The following GALNT13 variants were observed in gnomAD, a reference collection of about 807,000 sequenced individuals.
GALNT13 encodes the protein UDP-GalNAc:polypeptide N-acetylgalactosaminyltransferase 13.
GALNT13 carries 28 observed loss-of-function variants against 64.2 expected under a neutral mutation model. That is an observed-to-expected ratio of 0.44 (90% CI 0.32 to 0.60). The LOEUF (loss-of-function observed/expected upper bound fraction) is 0.60, where lower values mean the gene tolerates loss of function less well. GALNT13 is among the 20% of genes least tolerant of loss of function. The probability of loss-of-function intolerance (pLI) is 0.05; values close to 1 mark genes in which losing one functional copy is unlikely to be tolerated. For missense variants in GALNT13, 577 were observed against 669.8 expected, an observed-to-expected ratio of 0.86 and a Z score of 1.53; for synonymous variants, 214 against 224.6, an observed-to-expected ratio of 0.95 and a Z score of 0.42.
intron 3 of GALNT13, among the ~76,000 whole-genome samples, chr2:154,090,067 A>G (rs1043477213): frequency 6.6e-6 from 1 of 152,122 alleles, no homozygotes; most frequent in Non-Finnish European, 1.5e-5. Flanking sequence ...GGAAAAATGT[A>G]AACAATATTA....
chr2:153,630,247 C>A, the GALNT13 span, among the ~76,000 whole-genome samples: 1 of 151,814 alleles, frequency 6.6e-6, no homozygotes, highest in East Asian at 2.0e-4. Flanking sequence ...TGGAACCAAC[C>A]CAAATGTCCA....
the GALNT13 span, among the ~76,000 whole-genome samples, chr2:153,812,426 C>A: frequency 6.6e-6 from 1 of 152,108 alleles, no homozygotes; most frequent in Non-Finnish European, 1.5e-5. Context: ...ATATGGAGGT[C>A]TTGCAAGGGA....
At chr2:153,262,022 G>C in the GALNT13 span, among the ~76,000 whole-genome samples, 1 of 152,238 alleles carries the variant, frequency 6.6e-6, no homozygotes, top group Non-Finnish European at 1.5e-5. Flanking sequence ...CCTAGAATTG[G>C]AAACCCCAGG....
the GALNT13 span, among the ~76,000 whole-genome samples, chr2:153,127,123 G>A: frequency 2.7e-4 from 41 of 152,080 alleles, no homozygotes; most frequent in African/African-American, 6.7e-4. Flanking sequence ...GTTTGATTGC[G>A]TTGGCATGGA....
chr2:153,916,377 G>A (rs555874808), intron 2 of GALNT13, among the ~76,000 whole-genome samples: 4 of 151,960 alleles, frequency 2.6e-5, no homozygotes, highest in Admixed American at 6.6e-5. Context: ...GGCTGGTCTC[G>A]AACTCCTGGC....
At chr2:153,331,991 G>A in the GALNT13 span, among the ~76,000 whole-genome samples, 23 of 152,158 alleles carry the variant, frequency 1.5e-4, no homozygotes, top group East Asian at 4.1e-3. Context: ...CTCTGAGAAG[G>A]TTTCGTATTT....
intron 3 of GALNT13, among the ~76,000 whole-genome samples, chr2:154,088,949 A>G (rs1456488256): frequency 6.6e-6 from 1 of 152,092 alleles, no homozygotes; most frequent in Non-Finnish European, 1.5e-5. Flanking sequence ...TTAGGGACCA[A>G]TCATCTCTGA....
At chr2:154,312,472 A>G (rs1694100739) in intron 9 of GALNT13, among the ~76,000 whole-genome samples, 2 of 152,108 alleles carry the variant, frequency 1.3e-5, no homozygotes, top group African/African-American at 2.4e-5. Context: ...CCTTACTTTT[A>G]TCTATTCATA....
At chr2:153,515,725 T>C in the GALNT13 span, among the ~76,000 whole-genome samples, 1 of 152,190 alleles carries the variant, frequency 6.6e-6, no homozygotes, top group Admixed American at 6.5e-5. Context: ...AGGCTTCCTG[T>C]ACTAAATAAC....
At chr2:153,416,349 C>A in the GALNT13 span, among the ~76,000 whole-genome samples, 28 of 152,126 alleles carry the variant, frequency 1.8e-4, no homozygotes, top group African/African-American at 6.3e-4. Flanking sequence ...AAGCACTGAG[C>A]CAAATAATTT....
intron 11 of GALNT13, chr2:154,436,982 A>G (rs1010866887): frequency 1.2e-4 from 19 of 152,090 alleles, no homozygotes; most frequent in African/African-American, 4.3e-4. Flanking sequence ...TGGCTCAAGC[A>G]ATCTGCCAAC....
At chr2:154,081,135 T>C (rs149460957) in intron 3 of GALNT13, among the ~76,000 whole-genome samples, 16 of 151,688 alleles carry the variant, frequency 1.1e-4, no homozygotes, top group Admixed American at 7.9e-4. Flanking sequence ...TAGCATCAAC[T>C]CCACAGAGAA....
At chr2:153,678,063 G>GAA in the GALNT13 span, among the ~76,000 whole-genome samples, 1 of 116,410 alleles carries the variant, frequency 8.6e-6, no homozygotes, top group Non-Finnish European at 2.2e-5. Context: ...TCTGCTAAGT[G>GAA]AAAAAACAAA....
the GALNT13 span, among the ~76,000 whole-genome samples, chr2:153,708,534 C>A: frequency 6.6e-6 from 1 of 152,048 alleles, no homozygotes. Context: ...GAACTAATCA[C>A]CTTATGAGAA....
chr2:153,425,256 A>G, the GALNT13 span, among the ~76,000 whole-genome samples: 1 of 151,696 alleles, frequency 6.6e-6, no homozygotes, highest in Admixed American at 6.6e-5. Flanking sequence ...ATAGAAAAAT[A>G]TTAATATCTC....
intron 12 of GALNT13, among the ~76,000 whole-genome samples, chr2:154,449,297 A>G (rs972473640): frequency 2.0e-5 from 3 of 151,778 alleles, no homozygotes; most frequent in Non-Finnish European, 2.9e-5. Flanking sequence ...TTCTTACAAC[A>G]GTGCAGTCCA....
At chr2:153,440,516 G>A in the GALNT13 span, among the ~76,000 whole-genome samples, 1 of 152,110 alleles carries the variant, frequency 6.6e-6, no homozygotes. Flanking sequence ...GATCCTTGAG[G>A]AATCACCACA....
At chr2:154,073,447 T>C (rs1215443015) in intron 3 of GALNT13, among the ~76,000 whole-genome samples, 1 of 151,986 alleles carries the variant, frequency 6.6e-6, no homozygotes, top group Admixed American at 6.6e-5. Flanking sequence ...ACAATTTGAA[T>C]TTTAGAAAAC....
the GALNT13 span, among the ~76,000 whole-genome samples, chr2:153,203,322 A>G: frequency 2.0e-5 from 3 of 152,132 alleles, no homozygotes; most frequent in South Asian, 6.2e-4. Context: ...TTTTCCCCTA[A>G]TTTTCTGACT....
Sources: allele counts gnomAD v4.1 joint callset (sites outside exome capture counted in the v4.1 genomes callset), GRCh38; gene constraint gnomAD v4.1.1; transcripts MANE v1.5; gene names NCBI Gene and HGNC (gene_info 2026-07-23, HGNC 2026-07-21).